IREB2: variants seen among roughly 807,000 people sequenced by gnomAD.
IREB2 encodes iron responsive element binding protein 2.
In IREB2, 39 loss-of-function variants were observed where a neutral mutation model predicts 118.8. That is an observed-to-expected ratio of 0.33 (90% CI 0.25 to 0.43). The LOEUF is 0.43. Ranked by LOEUF, IREB2 falls within the 20% of genes least tolerant of loss-of-function variation. IREB2 has a pLI of 1.00. For synonymous variants in IREB2, 372 were observed against 392.2 expected (o/e 0.95, Z 0.61); for missense variants, 900 against 1,147.3 (o/e 0.78, Z 3.11).
chr15:78,493,904 T>C lies in IREB2; in HGVS notation c.2325-5T>C, dbSNP rs1464513163. ...TGAAAACTGACTTTCATTACTTTCT[T>C]GTAGCCTTACCCCTCGTGAATTCAA... On this transcript the variant is annotated splice_polypyrimidine_tract_variant and splice_region_variant and intron_variant, in intron 18 of 21. Coordinates refer to ENST00000258886, the MANE Select transcript of IREB2 (RefSeq NM_004136.4). The C allele has an allele frequency of 6.2e-7, 1 of 1,609,954 alleles. No homozygotes were observed. The highest frequency in any genetic ancestry group is 8.5e-7 in the Non-Finnish European group (1 of 1,178,258).
Position 78,490,504 on chromosome 15 carries a change from G to T in IREB2, c.2159G>T (p.Cys720Phe). 6.2e-7 allele frequency: 1 copy of T among 1,606,130 alleles called. No homozygotes were observed. The highest frequency in any genetic ancestry group is 1.1e-5 in the South Asian group (1 of 89,550). Residue 720 changes from cysteine (C) to phenylalanine (F), a missense_variant, in exon 17 of 22, where the codon TGC becomes TTC. Cys to Phe is a radical substitution (Grantham distance 205). Transcript: ENST00000258886. ...PWDLKSTYIR[C>F]PSFFDKLTKE... ...GACTTAAAGTCTACTTATATCAGAT[G>T]CCCTTCATTTTTTGATAAACTTGTA...
intron 20 of IREB2, among the ~76,000 whole-genome samples, chr15:78,496,099 A>C (rs1479484663): frequency 6.6e-6 from 1 of 152,228 alleles, no homozygotes; most frequent in African/African-American, 2.4e-5. Context: ...TGTGTTGCAC[A>C]TTAACTCAGA....
chr15:78,447,627 G>C lies in IREB2; in HGVS notation c.106+7746G>C, dbSNP rs533122560. Among the ~76,000 whole-genome samples, 240 of 151,978 alleles carry C rather than the reference G, an allele frequency of 1.6e-3. 1 individual carries two copies. Among genetic ancestry groups the C allele is most frequent in the African/African-American group, 5.5e-3 (230 of 41,490 alleles). On this transcript the variant is annotated intron_variant, in intron 2 of 21. Coordinates refer to ENST00000258886, the MANE Select transcript of IREB2 (RefSeq NM_004136.4). The stretch of plus-strand genomic sequence containing the variant: ...AGTACAGGCGTGAGCCACCACTCCC[G>C]CTCTGATTTTTTTTTTATCTTTTAT...
chr15:78,490,700 A>AT lies in IREB2; in HGVS notation c.2264dup (p.Ser756IlefsTer8). On this transcript the variant is annotated frameshift_variant, in exon 18 of 22. Coordinates refer to ENST00000258886, the MANE Select transcript of IREB2 (RefSeq NM_004136.4). LOFTEE classifies it high-confidence loss of function. ...GGGAGACTCTGTCACAACAGATCAT[A>AT]TATCACCTGCAGGAAGTATCGCTAG... 6.2e-7 allele frequency: 1 copy of AT among 1,614,090 alleles called. No individual in the cohort carries two copies. Among genetic ancestry groups the AT allele is most frequent in the Non-Finnish European group, 8.5e-7 (1 of 1,179,930 alleles).
chr15:78,444,379 G>T (rs1397704089), intron 2 of IREB2, among the ~76,000 whole-genome samples: 1 of 152,194 alleles, frequency 6.6e-6, no homozygotes, highest in Non-Finnish European at 1.5e-5. Flanking sequence ...GACTGGCCTG[G>T]CTGGAGTGAA....
intron 2 of IREB2, among the ~76,000 whole-genome samples, chr15:78,448,090 G>A (rs1389416239): frequency 1.3e-5 from 2 of 152,214 alleles, no homozygotes; most frequent in African/African-American, 4.8e-5. Context: ...GCAGGAATCT[G>A]TTTTGTTTTC....
Position 78,495,843 on chromosome 15 carries a change from G to A in IREB2, c.2596-1283G>A, listed in dbSNP as rs931911124. Among the ~76,000 whole-genome samples the A allele has an allele frequency of 3.3e-5, 5 of 152,202 alleles. No homozygotes were observed. In the East Asian group the frequency reaches 5.8e-4, roughly 18 times the overall value. ...GTGGTACTAAAATTTTGGAGAGAAG[G>A]GAGGTGAACAGGAAGACACAATTTG... On this transcript the variant is annotated intron_variant, in intron 20 of 21. Coordinates refer to ENST00000258886, the MANE Select transcript of IREB2 (RefSeq NM_004136.4).
At chr15:78,449,084 T>C (rs2141454395) in intron 2 of IREB2, among the ~76,000 whole-genome samples, 1 of 152,360 alleles carries the variant, frequency 6.6e-6, no homozygotes, top group East Asian at 1.9e-4. Flanking sequence ...CTGAGTAATT[T>C]GCCTAAGGTC....
intron 16 of IREB2, among the ~76,000 whole-genome samples, chr15:78,489,681 A>T (rs2141521684): frequency 6.6e-6 from 1 of 151,964 alleles, no homozygotes; most frequent in South Asian, 2.1e-4. Context: ...GGCCCAGCTA[A>T]TTTTTTATTT....
chr15:78,443,802 A>G (rs1012689080), intron 2 of IREB2, among the ~76,000 whole-genome samples: 2 of 152,018 alleles, frequency 1.3e-5, no homozygotes, highest in African/African-American at 4.8e-5. Context: ...GTGTGCCACC[A>G]CATCCGGCTG....
At chr15:78,494,357 T>C in intron 20 of IREB2, 93 bp downstream of exon 20, 1 of 1,283,976 alleles carries the variant, frequency 7.8e-7, no homozygotes. Context: ...ATCTGGATTT[T>C]TTATAGTTAT....
At position 78,484,933 on chromosome 15, in the gene IREB2, T is replaced by A. The variant is rs911008227; in HGVS notation, c.1573+13T>A. 1.2e-6 allele frequency: 2 copies of A among 1,603,284 alleles called. No homozygotes were observed. Among genetic ancestry groups the A allele is most frequent in the African/African-American group, 2.7e-5 (2 of 74,364 alleles). ...ATGCTTGCTGCAGGTGGGTTGTGGT[T>A]TATGGCCATACTTTTTCTTTTTCCT... is the stretch of plus-strand genomic sequence containing the variant. On this transcript the variant is annotated intron_variant, in intron 12 of 21. Coordinates refer to ENST00000258886, the MANE Select transcript of IREB2 (RefSeq NM_004136.4).
At position 78,438,238 on chromosome 15, in the gene IREB2, C is replaced by CTT; in HGVS notation, c.-100_-99insTT. 1.1e-6 allele frequency: 1 copy of CTT among 919,392 alleles called. No homozygotes were observed. Among genetic ancestry groups the CTT allele is most frequent in the Admixed American group, 2.0e-5 (1 of 49,748 alleles). 57.0% of individuals were successfully genotyped at this position (919,392 alleles called of 1,614,324 possible). ...CGCGAGCCTGCTTCCTTCTTTCCTC[C>CTT]CTTGCCAGTCCGCCTGTCTTCCTCC... On this transcript the variant is annotated 5_prime_UTR_variant, in exon 1 of 22. Transcript: ENST00000258886.
chr15:78,449,159 G>A (rs757960189), intron 2 of IREB2, among the ~76,000 whole-genome samples: 2 of 152,084 alleles, frequency 1.3e-5, no homozygotes, highest in Admixed American at 1.3e-4. Context: ...CAAGACCAAC[G>A]CCTTTTCTTT....
At position 78,476,352 on chromosome 15, in the gene IREB2, A is replaced by G. The variant is rs2051470644; in HGVS notation, c.1188A>G (p.Glu396=). 1 of 1,557,862 alleles carries G rather than the reference A, an allele frequency of 6.4e-7. No homozygotes were observed. The highest frequency in any genetic ancestry group is 1.7e-5 in the Admixed American group (1 of 58,944). ...PVDNVTLKHL[E]HTGFSKAKLE... Reference sequence around the variant, plus strand: ...ACAATGTGACATTAAAACATTTAGAACATACAGGTAAGAAGATAAAAGATC... The same window carrying G: ...ACAATGTGACATTAAAACATTTAGAGCATACAGGTAAGAAGATAAAAGATC... The change falls in exon 9 of 22, where the codon GAA becomes GAG. Residue 396 remains glutamate, a synonymous_variant. Transcript: ENST00000258886.
chr15:78,442,307 A>G (rs1332481972), intron 2 of IREB2, among the ~76,000 whole-genome samples: 1 of 152,258 alleles, frequency 6.6e-6, no homozygotes, highest in Non-Finnish European at 1.5e-5. Context: ...AAAGAAAGGA[A>G]CAAGTTAGGT....
chr15:78,458,453 C>T (rs1301070523), intron 2 of IREB2, among the ~76,000 whole-genome samples: 2 of 152,048 alleles, frequency 1.3e-5, no homozygotes, highest in Non-Finnish European at 2.9e-5. Flanking sequence ...TACAACTTCT[C>T]TAAAAAAATT....
At chr15:78,449,648 T>C (rs773191321) in intron 2 of IREB2, among the ~76,000 whole-genome samples, 3 of 152,226 alleles carry the variant, frequency 2.0e-5, no homozygotes, top group African/African-American at 7.2e-5. Flanking sequence ...CCAGCAGACA[T>C]GAAACAGAGT....
intron 20 of IREB2, among the ~76,000 whole-genome samples, chr15:78,496,248 C>A (rs191286657): frequency 6.6e-6 from 1 of 152,176 alleles, no homozygotes; most frequent in Admixed American, 6.5e-5. Context: ...TGGGCTTATA[C>A]CCTCTTCATT....
Sources: allele counts gnomAD v4.1 joint callset (sites outside exome capture counted in the v4.1 genomes callset), GRCh38; gene constraint gnomAD v4.1.1; transcripts MANE v1.5; gene names NCBI Gene and HGNC (gene_info 2026-07-23, HGNC 2026-07-21).